Variants in OPCML observed in about 807,000 individuals in gnomAD.
OPCML encodes opioid-binding protein/cell adhesion molecule.
In OPCML, 13 loss-of-function variants were observed where a neutral mutation model predicts 37.8. That is an observed-to-expected ratio of 0.34 (90% CI 0.22 to 0.55). The LOEUF is 0.55. Among genes scored for constraint, OPCML ranks in the 20% least tolerant of loss-of-function variants. The pLI is 0.91. For missense variants in OPCML, 341 were observed against 435.6 expected, an observed-to-expected ratio of 0.78 and a Z score of 1.93; for synonymous variants, 176 against 168.8, an observed-to-expected ratio of 1.04 and a Z score of -0.33.
chr11:133,448,008 G>A (rs1203556057), intron 1 of OPCML, among the ~76,000 whole-genome samples: 1 of 152,068 alleles, frequency 6.6e-6, no homozygotes, highest in African/African-American at 2.4e-5. Context: ...TTTCTTAATG[G>A]TGTCTTTAGA....
chr11:133,290,139 T>G (rs1188259340), intron 1 of OPCML, among the ~76,000 whole-genome samples: 1 of 152,172 alleles, frequency 6.6e-6, no homozygotes, highest in Non-Finnish European at 1.5e-5. Flanking sequence ...GCAAGGAACA[T>G]TCAGGAAAAC....
At chr11:133,091,781 C>G (rs896113935) in intron 1 of OPCML, among the ~76,000 whole-genome samples, 26 of 152,070 alleles carry the variant, frequency 1.7e-4, no homozygotes, top group Admixed American at 1.4e-3. Flanking sequence ...TGACTTGTAC[C>G]TTGAGTCTCA....
intron 1 of OPCML, among the ~76,000 whole-genome samples, chr11:133,175,368 C>G (rs547465172): frequency 6.6e-6 from 1 of 152,016 alleles, no homozygotes; most frequent in African/African-American, 2.4e-5. Flanking sequence ...GGTGAGAAAG[C>G]TCTCTCAAAG....
At chr11:132,589,757 T>C in intron 3 of OPCML, among the ~76,000 whole-genome samples, 1 of 147,868 alleles carries the variant, frequency 6.8e-6, no homozygotes, top group African/African-American at 2.4e-5. Flanking sequence ...TGGAGCATAG[T>C]TAAGAAGACG....
chr11:133,462,695 A>G (rs1946884414), intron 1 of OPCML, among the ~76,000 whole-genome samples: 1 of 152,086 alleles, frequency 6.6e-6, no homozygotes, highest in Non-Finnish European at 1.5e-5. Context: ...TAGTGGGGAG[A>G]ATGTAGAAAA....
Position 132,808,529 on chromosome 11 carries a change from G to A in OPCML, c.146+134397C>T, listed in dbSNP as rs143306326. 2.2e-3 allele frequency among the ~76,000 whole-genome samples: 334 copies of A among 152,266 alleles called. 1 individual carries two copies. The highest frequency in any genetic ancestry group is 3.6e-3 in the Admixed American group (55 of 15,284). On this transcript the variant is annotated intron_variant, in intron 2 of 7. Transcript: ENST00000524381. The stretch of plus-strand genomic sequence containing the variant: ...GAAGGCTGGAGGCTTGATCCTGAAG[G>A]GTTAACACATTTTTTTCCCAAAGAA...
rs529352437 is a variant in OPCML at position 133,210,198 on chromosome 11, G to A, written c.62-267188C>T. On this transcript the variant is annotated intron_variant, in intron 1 of 7. Transcript: ENST00000524381. ...TGAAGTCCATTTCCAAGCGTCTGGG[G>A]GATACACAGTAATTGGGCTCTCCAA... 1.6e-3 allele frequency among the ~76,000 whole-genome samples: 248 copies of A among 152,236 alleles called. 1 individual carries two copies. The highest frequency in any genetic ancestry group is 3.0e-3 in the Non-Finnish European group (206 of 68,012).
intron 2 of OPCML, among the ~76,000 whole-genome samples, chr11:132,686,594 G>T (rs1943167285): frequency 6.6e-6 from 1 of 152,140 alleles, no homozygotes; most frequent in Non-Finnish European, 1.5e-5. Context: ...TGGAACCAAA[G>T]TATCAATGAC....
chr11:133,084,901 C>T (rs1948796001), intron 1 of OPCML, among the ~76,000 whole-genome samples: 1 of 152,142 alleles, frequency 6.6e-6, no homozygotes, highest in African/African-American at 2.4e-5. Context: ...AAAATACTGA[C>T]ATCAAAAGCC....
intron 1 of OPCML, among the ~76,000 whole-genome samples, chr11:133,434,635 T>A (rs1946193303): frequency 6.6e-6 from 1 of 151,784 alleles, no homozygotes; most frequent in Non-Finnish European, 1.5e-5. Context: ...CTTAGCTCCA[T>A]ACACAGGCTA....
At chr11:132,478,445 T>C (rs2096165133) in intron 4 of OPCML, among the ~76,000 whole-genome samples, 1 of 152,004 alleles carries the variant, frequency 6.6e-6, no homozygotes, top group Non-Finnish European at 1.5e-5. Context: ...GGAAGACAAG[T>C]GAAGAGACAG....
chr11:133,406,984 A>G (rs193092418), intron 1 of OPCML, among the ~76,000 whole-genome samples: 4 of 152,314 alleles, frequency 2.6e-5, no homozygotes, highest in Admixed American at 2.6e-4. Flanking sequence ...TTCCAGCCAC[A>G]ATTTCCCAAA....
Position 132,452,044 on chromosome 11 carries a change from CTATTGGA to C in OPCML, c.506-14692_506-14686del, listed in dbSNP as rs374228525. On this transcript the variant is annotated intron_variant, in intron 4 of 7. Coordinates refer to ENST00000524381, the MANE Select transcript of OPCML (RefSeq NM_001012393.5). ...CTCCATTGTCACAGGACAGGCTAGG[CTATTGGA>C]TAACTGATTTGTGTTCTGTTCTCAA... Among the ~76,000 whole-genome samples, 184 of 152,124 alleles carry C rather than the reference CTATTGGA, an allele frequency of 1.2e-3. 1 individual carries two copies. The highest frequency in any genetic ancestry group is 4.1e-3 in the African/African-American group (169 of 41,490).
At chr11:132,690,680 G>A (rs1245127706) in intron 2 of OPCML, among the ~76,000 whole-genome samples, 1 of 152,176 alleles carries the variant, frequency 6.6e-6, no homozygotes, top group Non-Finnish European at 1.5e-5. Context: ...ACGTGTGTGT[G>A]CTCATGCGTG....
intron 1 of OPCML, among the ~76,000 whole-genome samples, chr11:132,948,379 A>G (rs1038361168): frequency 6.6e-6 from 1 of 152,154 alleles, no homozygotes; most frequent in African/African-American, 2.4e-5. Flanking sequence ...CAAGCTTAGG[A>G]TTGTAAAGTT....
chr11:133,373,462 C>A (rs186185560), intron 1 of OPCML, among the ~76,000 whole-genome samples: 2,346 of 122,038 alleles, frequency 0.019, 30 homozygotes, highest in African/African-American at 0.026. Flanking sequence ...CACACACACA[C>A]AAAAATACAA....
intron 3 of OPCML, among the ~76,000 whole-genome samples, chr11:132,620,128 A>T (rs886268429): frequency 2.0e-5 from 3 of 152,134 alleles, no homozygotes; most frequent in Non-Finnish European, 4.4e-5. Context: ...TTCACATGAG[A>T]TTATATTTGA....
intron 1 of OPCML, among the ~76,000 whole-genome samples, chr11:133,487,080 C>T (rs1383576950): frequency 6.6e-6 from 1 of 152,108 alleles, no homozygotes; most frequent in African/African-American, 2.4e-5. Context: ...TTCCTACCTC[C>T]TCTCTTTCCT....
chr11:132,552,194 C>T (rs1289898412), intron 3 of OPCML, among the ~76,000 whole-genome samples: 2 of 152,108 alleles, frequency 1.3e-5, no homozygotes, highest in East Asian at 3.9e-4. Flanking sequence ...GCTGATGCTG[C>T]CGTTTTGGGA....
Sources: gnomAD v4.1 joint callset for allele counts (sites outside exome capture counted in the v4.1 genomes callset) on GRCh38, gnomAD v4.1.1 for gene constraint, MANE v1.5 for transcripts, NCBI Gene and HGNC (gene_info 2026-07-23, HGNC 2026-07-21) for gene names.